SMPD3: variants seen among roughly 807,000 people sequenced by gnomAD.
SMPD3 encodes sphingomyelin phosphodiesterase 3.
In SMPD3, 21 loss-of-function variants were observed where a neutral mutation model predicts 55.7. The ratio of observed to expected loss-of-function variants is 0.38; its 90% confidence interval spans 0.27 to 0.54. The LOEUF (loss-of-function observed/expected upper bound fraction) is 0.54, where lower values mean the gene tolerates loss of function less well. SMPD3 is among the 20% of genes least tolerant of loss of function. The pLI is 0.80. For synonymous variants in SMPD3, 457 were observed against 404.3 expected, an observed-to-expected ratio of 1.13 and a Z score of -1.56; for missense variants, 842 against 899.6, an observed-to-expected ratio of 0.94 and a Z score of 0.82.
intron 1 of SMPD3, among the ~76,000 whole-genome samples, chr16:68,405,085 G>A (rs1253203264): frequency 6.6e-6 from 1 of 152,196 alleles, no homozygotes; most frequent in Non-Finnish European, 1.5e-5. Context: ...TAGCTTTTGG[G>A]ACTGCTGGTA....
intron 1 of SMPD3, among the ~76,000 whole-genome samples, chr16:68,403,149 A>G (rs2090225883): frequency 6.6e-6 from 1 of 152,236 alleles, no homozygotes; most frequent in African/African-American, 2.4e-5. Context: ...CCCTTGGGAT[A>G]GCTTTCCCTG....
intron 2 of SMPD3, among the ~76,000 whole-genome samples, chr16:68,375,680 A>G (rs2089793980): frequency 6.6e-6 from 1 of 152,142 alleles, no homozygotes; most frequent in Non-Finnish European, 1.5e-5. Flanking sequence ...GATCCCAGAA[A>G]CCCTGTGGGC....
rs367665039 is a variant in SMPD3, at chr16:68,383,333, C to G, written c.-207+3265G>C. ...CCACCTGAGGCTGCCTGCCCTCCCC[C>G]GCACACCACAAGAGAAAAGGAAGAC... On this transcript the variant is annotated intron_variant, in intron 2 of 8. Transcript: ENST00000219334. Among the ~76,000 whole-genome samples the G allele has an allele frequency of 1.9e-3, 295 of 152,304 alleles. 3 individuals carry two copies. Among genetic ancestry groups the G allele is most frequent in the African/African-American group, 5.2e-3 (218 of 41,542 alleles).
In SMPD3 at chr16:68,371,171, C is replaced by G; in HGVS notation, c.1011G>C (p.Arg337Ser). The G allele has an allele frequency of 6.2e-7, 1 of 1,612,968 alleles. No individual in the cohort carries two copies. The highest frequency in any genetic ancestry group is 8.5e-7 in the Non-Finnish European group (1 of 1,179,870). The change falls in exon 3 of 9, where the codon AGG becomes AGC. Residue 337 changes from arginine to serine, a missense_variant. Around this residue, in one of 2 missense-constraint regions of SMPD3, gnomAD observed 649 missense variants for 643.6 expected, o/e 1.01. Coordinates refer to ENST00000219334, the MANE Select transcript of SMPD3 (RefSeq NM_018667.4). ...CGAAGGCCTCGTCGGGGTGCCGCCT[C>G]CTGCGTGCAGCCGCCTTCTTCACCA... ...ASVVKKAAAR[R>S]RRHPDEAFDH...
chr16:68,377,378 C>T (rs930149019), intron 2 of SMPD3, among the ~76,000 whole-genome samples: 6 of 152,250 alleles, frequency 3.9e-5, no homozygotes, highest in Non-Finnish European at 5.9e-5. Flanking sequence ...CAGCCCCAGC[C>T]GCTCCTGGTG....
intron 1 of SMPD3, among the ~76,000 whole-genome samples, chr16:68,391,270 C>G (rs1478171497): frequency 6.6e-6 from 1 of 152,160 alleles, no homozygotes; most frequent in Non-Finnish European, 1.5e-5. Flanking sequence ...GAAGGGAGAT[C>G]AACTTGACTG....
At chr16:68,420,202 C>A (rs1023273929) in intron 1 of SMPD3, among the ~76,000 whole-genome samples, 2 of 152,096 alleles carry the variant, frequency 1.3e-5, no homozygotes, top group African/African-American at 4.8e-5. Context: ...CTCAGCCTCC[C>A]AAAGTGCTGG....
At chr16:68,376,268 G>C (rs959370341) in intron 2 of SMPD3, among the ~76,000 whole-genome samples, 4 of 152,200 alleles carry the variant, frequency 2.6e-5, no homozygotes, top group African/African-American at 7.2e-5. Flanking sequence ...GCCCGGGCCT[G>C]CTGCGTGGTG....
At chr16:68,409,365 G>A (rs967043606) in intron 1 of SMPD3, among the ~76,000 whole-genome samples, 3 of 152,200 alleles carry the variant, frequency 2.0e-5, no homozygotes, top group African/African-American at 7.2e-5. Flanking sequence ...AGCAGTGTGA[G>A]TCTTACACGC....
chr16:68,361,579 G>A (rs780309806), intron 8 of SMPD3, 24 bp downstream of exon 8: 1 of 1,603,730 alleles, frequency 6.2e-7, no homozygotes, highest in South Asian at 1.1e-5. Context: ...GCATGGCCCT[G>A]GCTGCTGGGC....
At chr16:68,442,275 G>T (rs992777265) in intron 1 of SMPD3, among the ~76,000 whole-genome samples, 2 of 152,038 alleles carry the variant, frequency 1.3e-5, no homozygotes, top group Non-Finnish European at 2.9e-5. Context: ...AACTTCCCTC[G>T]CTGTCTTTCC....
intron 5 of SMPD3, 169 bp downstream of exon 5, chr16:68,364,582 T>C (rs765366100): frequency 3.6e-5 from 27 of 757,932 alleles, no homozygotes; most frequent in Non-Finnish European, 5.4e-5. Context: ...GGGCTCTTCC[T>C]GTTCTAGGAT....
intron 1 of SMPD3, among the ~76,000 whole-genome samples, chr16:68,418,312 C>A (rs950437718): frequency 1.3e-5 from 2 of 150,952 alleles, no homozygotes; most frequent in Admixed American, 1.3e-4. Flanking sequence ...AAATGAGCAC[C>A]TACTTGGCTG....
At chr16:68,366,225 G>A (rs1275431524) in intron 3 of SMPD3, among the ~76,000 whole-genome samples, 3 of 152,230 alleles carry the variant, frequency 2.0e-5, no homozygotes, top group African/African-American at 7.2e-5. Context: ...AAACGTCACA[G>A]CCCATCTGCT....
chr16:68,415,916 A>G (rs2090335370), intron 1 of SMPD3, among the ~76,000 whole-genome samples: 1 of 151,712 alleles, frequency 6.6e-6, no homozygotes, highest in South Asian at 2.1e-4. Flanking sequence ...TGGCTCCTTT[A>G]CAAACAGCTT....
rs2089681432 is a variant in SMPD3 at position 68,371,894 on chromosome 16, G to A, written c.288C>T (p.Ile96=). 1.2e-6 allele frequency: 2 copies of A among 1,610,774 alleles called. No homozygotes were observed. Among genetic ancestry groups the A allele is most frequent in the African/African-American group, 2.7e-5 (2 of 75,074 alleles). The change falls in exon 3 of 9, where the codon ATC becomes ATT. Residue 96 remains isoleucine (I), a synonymous_variant. Transcript: ENST00000219334. Reference sequence around the variant, plus strand: ...GGCCCTTGTCTTCCAGCCGTGAATAGATGTAGGGCCGGCGGGCCGACTGCA... The same window carrying A: ...GGCCCTTGTCTTCCAGCCGTGAATAAATGTAGGGCCGGCGGGCCGACTGCA... ...SPLQSARRPY[I]YSRLEDKGLA...
intron 1 of SMPD3, among the ~76,000 whole-genome samples, chr16:68,444,334 G>A (rs532448396): frequency 6.6e-6 from 1 of 152,182 alleles, no homozygotes; most frequent in African/African-American, 2.4e-5. Flanking sequence ...GAGAAAAGCT[G>A]CATTAGTGCA....
chr16:68,375,002 G>A (rs116490807), intron 2 of SMPD3, among the ~76,000 whole-genome samples: 1,737 of 152,264 alleles, frequency 0.011, 38 homozygotes, highest in African/African-American at 0.039. Context: ...CCACCTGGAC[G>A]TCACCCCAAT....
chr16:68,391,013 G>T (rs917656156), intron 1 of SMPD3, among the ~76,000 whole-genome samples: 2 of 152,222 alleles, frequency 1.3e-5, no homozygotes, highest in African/African-American at 2.4e-5. Context: ...CCCCACCTCA[G>T]TGAACAAAGA....
Sources: gnomAD v4.1 joint callset for allele counts (sites outside exome capture counted in the v4.1 genomes callset) on GRCh38, gnomAD v4.1.1 for gene constraint, gnomAD v4.1.1 regional missense constraint, MANE v1.5 for transcripts, NCBI Gene and HGNC (gene_info 2026-07-23, HGNC 2026-07-21) for gene names.